HTT: variants seen among roughly 807,000 people sequenced by gnomAD.
HTT encodes huntingtin.
HTT carries 104 observed loss-of-function variants against 362.3 expected under a neutral mutation model. That is an observed-to-expected ratio of 0.29 (90% confidence interval 0.24 to 0.34). The LOEUF (loss-of-function observed/expected upper bound fraction) is 0.34. Among genes scored for constraint, HTT ranks in the 10% least tolerant of loss-of-function variants. The pLI is 1.00. For missense variants in HTT, 3,301 were observed against 3,928.6 expected (o/e 0.84, Z 4.27); for synonymous variants, 1,577 against 1,548.7 (o/e 1.02, Z -0.43).
intron 7 of HTT, 57 bp downstream of exon 7, chr4:3,115,502 T>C: frequency 7.2e-7 from 1 of 1,387,042 alleles, no homozygotes; most frequent in Non-Finnish European, 1.0e-6. Flanking sequence ...GATAGACCTT[T>C]GAAATAAATA....
intron 59 of HTT, among the ~76,000 whole-genome samples, chr4:3,229,575 C>G (rs1036138989): frequency 2.6e-5 from 4 of 151,176 alleles, no homozygotes; most frequent in African/African-American, 9.7e-5. Context: ...GCCACATGTA[C>G]ACACATGTAT....
intron 10 of HTT, among the ~76,000 whole-genome samples, chr4:3,123,936 T>C (rs1282806654): frequency 1.3e-5 from 2 of 152,222 alleles, no homozygotes; most frequent in Non-Finnish European, 2.9e-5. Flanking sequence ...CTTAAAAGAC[T>C]GATCCTTTTT....
chr4:3,108,621 C>T (rs1021963517), intron 6 of HTT, among the ~76,000 whole-genome samples: 2 of 152,240 alleles, frequency 1.3e-5, no homozygotes, highest in South Asian at 2.1e-4. Context: ...TTCATGATTT[C>T]GATCACCATT....
At chr4:3,207,425 C>T (rs1031486873) in intron 45 of HTT, 68 bp downstream of exon 45, 52 of 1,299,768 alleles carry the variant, frequency 4.0e-5, no homozygotes, top group South Asian at 2.8e-4. Context: ...TAGATTTGTA[C>T]GGGAATAAAT....
At chr4:3,172,452 A>G in intron 30 of HTT, 55 bp downstream of exon 30, 1 of 1,098,748 alleles carries the variant, frequency 9.1e-7, no homozygotes, top group Non-Finnish European at 1.4e-6. Context: ...TGACAGCAAA[A>G]CGCTGCTACT....
chr4:3,109,030 G>A (rs1051348451), intron 6 of HTT, among the ~76,000 whole-genome samples: 1 of 150,392 alleles, frequency 6.6e-6, no homozygotes, highest in African/African-American at 2.5e-5. Context: ...CTCCAGCATG[G>A]GTGGTAAAAC....
rs369632008 is a variant in HTT, at chr4:3,212,691, C to T, written c.6756C>T (p.Phe2252=). Residue 2252 remains phenylalanine, a synonymous_variant, in exon 49 of 67, where the codon TTC becomes TTT. Coordinates refer to ENST00000355072, the MANE Select transcript of HTT (RefSeq NM_001388492.1). The part of the protein sequence containing the change: ...PPEKEKDIVK[F]VVATLEALSW... Reference sequence around the variant, plus strand: ...AGAAAGAGAAGGACATTGTGAAATTCGTGGTGGCAACCCTTGAGGTAAGAG... The same window carrying T: ...AGAAAGAGAAGGACATTGTGAAATTTGTGGTGGCAACCCTTGAGGTAAGAG... 1.1e-4 allele frequency: 185 copies of T among 1,614,062 alleles called. No individual in the cohort carries two copies. Among genetic ancestry groups the T allele is most frequent in the Admixed American group, 3.0e-4 (18 of 60,014 alleles).
rs1715285121 is a variant in HTT at position 3,121,322 on chromosome 4, C to T, written c.1163C>T (p.Pro388Leu). ...TTGCAGCAGCTCTTCAGAACGCCTC[C>T]ACCCGAGCTTCTGCAAACCCTGACC... is the stretch of plus-strand genomic sequence containing the variant. ...ELLQQLFRTP[P>L]PELLQTLTAV... Residue 388 changes from proline to leucine, a missense_variant, in exon 9 of 67, where the codon CCA becomes CTA. Physicochemically the swap from Pro to Leu is moderately conservative, Grantham distance 98. Transcript: ENST00000355072. 1 of 1,614,126 alleles carries T rather than the reference C, an allele frequency of 6.2e-7. No individual in the cohort carries two copies. The highest frequency in any genetic ancestry group is 8.5e-7 in the Non-Finnish European group (1 of 1,179,966).
intron 57 of HTT, among the ~76,000 whole-genome samples, chr4:3,227,938 C>T (rs1292643414): frequency 6.6e-6 from 1 of 152,206 alleles, no homozygotes; most frequent in African/African-American, 2.4e-5. Flanking sequence ...AGTGCAGGGG[C>T]TCCTCCTTGG....
intron 59 of HTT, among the ~76,000 whole-genome samples, 187 bp downstream of exon 59, chr4:3,229,196 C>A (rs976480148): frequency 6.8e-6 from 1 of 147,080 alleles, no homozygotes; most frequent in Non-Finnish European, 1.5e-5. Flanking sequence ...CACACATACA[C>A]GGCATGCACC....
At position 3,229,914 on chromosome 4, in the gene HTT, G is replaced by A; in HGVS notation, c.8137G>A (p.Glu2713Lys). Residue 2713 changes from glutamate to lysine, a missense_variant, in exon 60 of 67, where the codon GAG becomes AAG. Around this residue, in one of 4 missense-constraint regions of HTT, gnomAD observed 753 missense variants for 1,021.3 expected, o/e 0.74. Transcript: ENST00000355072. ...SLLVVSDLFT[E>K]RNQFELMYVT... Reference sequence around the variant, plus strand: ...TCTAGTGGTCTCAGACTTGTTCACCGAGCGCAACCAGTTTGAGCTGATGTA... The same window carrying A: ...TCTAGTGGTCTCAGACTTGTTCACCAAGCGCAACCAGTTTGAGCTGATGTA... The A allele has an allele frequency of 3.7e-6, 6 of 1,614,156 alleles. No individual in the cohort carries two copies. Among genetic ancestry groups the A allele is most frequent in the East Asian group, 2.2e-5 (1 of 44,882 alleles).
intron 8 of HTT, among the ~76,000 whole-genome samples, chr4:3,119,270 G>C (rs922783179): frequency 1.3e-5 from 2 of 152,138 alleles, no homozygotes; most frequent in African/African-American, 4.8e-5. Context: ...GGGAGAAAAA[G>C]GCAATTAGTA....
chr4:3,178,249 T>C, intron 34 of HTT, 49 bp from the exon 35 acceptor site: 2 of 1,323,648 alleles, frequency 1.5e-6, no homozygotes, highest in Non-Finnish European at 2.1e-6. Context: ...TATATTGATA[T>C]GTATCTTAAT....
chr4:3,199,611 C>T (rs1560590145), intron 40 of HTT, 121 bp from the exon 41 acceptor site: 7 of 756,852 alleles, frequency 9.2e-6, no homozygotes, highest in Middle Eastern at 3.2e-4. Context: ...GCCAGGTGTT[C>T]TGAATACGTA....
chr4:3,203,797 C>A (rs1368790560), intron 41 of HTT, among the ~76,000 whole-genome samples: 1 of 152,150 alleles, frequency 6.6e-6, no homozygotes, highest in Admixed American at 6.5e-5. Context: ...CTGTTAAATT[C>A]TGTTTTCTTT....
intron 27 of HTT, among the ~76,000 whole-genome samples, chr4:3,155,669 C>T (rs558486820): frequency 5.7e-5 from 8 of 140,722 alleles, no homozygotes; most frequent in East Asian, 4.2e-4. Context: ...ATCACGAGGT[C>T]GGGAGTTCAA....
At chr4:3,226,320 A>G (rs961014237) in intron 57 of HTT, among the ~76,000 whole-genome samples, 1 of 152,132 alleles carries the variant, frequency 6.6e-6, no homozygotes, top group African/African-American at 2.4e-5. Flanking sequence ...AAGGGATTCA[A>G]GGGTCTGGGT....
chr4:3,144,273 T>A (rs1461242841), intron 23 of HTT, among the ~76,000 whole-genome samples: 2 of 152,190 alleles, frequency 1.3e-5, no homozygotes, highest in Non-Finnish European at 2.9e-5. Flanking sequence ...CAGAAAAAAA[T>A]AATATACAAA....
intron 60 of HTT, among the ~76,000 whole-genome samples, chr4:3,231,969 A>T (rs1407325943): frequency 6.6e-6 from 1 of 152,214 alleles, no homozygotes; most frequent in African/African-American, 2.4e-5. Flanking sequence ...GAAGATGGCC[A>T]TCCTCTGTGA....
Sources: gnomAD v4.1 joint callset for allele counts (sites outside exome capture counted in the v4.1 genomes callset) on GRCh38, gnomAD v4.1.1 for gene constraint, gnomAD v4.1.1 regional missense constraint, MANE v1.5 for transcripts, NCBI Gene and HGNC (gene_info 2026-07-23, HGNC 2026-07-21) for gene names.